PINX1: variants seen among roughly 807,000 people sequenced by gnomAD.
The protein encoded by PINX1 is PIN2/TERF1-interacting telomerase inhibitor 1.
PINX1 carries 34 observed loss-of-function variants against 25.4 expected under a neutral mutation model. The observed-to-expected ratio is 1.34, with a 90% CI of 1.02 to 1.78. The LOEUF (loss-of-function observed/expected upper bound fraction) is 1.78, where lower values mean the gene tolerates loss of function less well. PINX1 is among the 40% of genes most tolerant of loss of function. PINX1 has a pLI of 0.00. For missense variants in PINX1, 592 were observed against 404.9 expected (o/e 1.46, Z -3.97); for synonymous variants, 197 against 147.7 (o/e 1.33, Z -2.42).
chr8:10,786,188 A>T (rs182653080), intron 6 of PINX1, among the ~76,000 whole-genome samples: 1 of 152,326 alleles, frequency 6.6e-6, no homozygotes, highest in East Asian at 1.9e-4. Flanking sequence ...CCTTGCCAAT[A>T]TATTTAAAGA....
intron 6 of PINX1, among the ~76,000 whole-genome samples, chr8:10,818,608 G>A (rs1472520975): frequency 6.6e-6 from 1 of 152,186 alleles, no homozygotes; most frequent in East Asian, 1.9e-4. Context: ...TGAGCAGCAG[G>A]CAGAAGAGAG....
intron 6 of PINX1, among the ~76,000 whole-genome samples, chr8:10,803,990 T>C (rs1340730414): frequency 1.3e-5 from 2 of 148,306 alleles, no homozygotes; most frequent in Non-Finnish European, 3.0e-5. Flanking sequence ...TTAGCTATCA[T>C]TTTAACTATA....
chr8:10,805,077 A>G (rs1802396912), intron 6 of PINX1, among the ~76,000 whole-genome samples: 1 of 152,196 alleles, frequency 6.6e-6, no homozygotes, highest in Non-Finnish European at 1.5e-5. Flanking sequence ...CCAATAGGAC[A>G]ATTATTATTA....
At chr8:10,814,078 G>A (rs780325637) in intron 6 of PINX1, among the ~76,000 whole-genome samples, 1 of 152,166 alleles carries the variant, frequency 6.6e-6, no homozygotes, top group Non-Finnish European at 1.5e-5. Context: ...AGGTCTCAAG[G>A]GGCCCTGGGA....
At chr8:10,769,990 C>G (rs550833339) in intron 6 of PINX1, among the ~76,000 whole-genome samples, 5 of 152,296 alleles carry the variant, frequency 3.3e-5, no homozygotes, top group South Asian at 4.1e-4. Flanking sequence ...GAGAAAAAAA[C>G]TACATCATTT....
intron 6 of PINX1, among the ~76,000 whole-genome samples, chr8:10,782,471 C>T (rs555214917): frequency 1.3e-3 from 203 of 152,030 alleles, no homozygotes; most frequent in African/African-American, 4.8e-3. Context: ...CGCAGTGGCT[C>T]ACGCCTGTAA....
intron 6 of PINX1, among the ~76,000 whole-genome samples, chr8:10,767,089 C>T (rs538128222): frequency 1.2e-4 from 17 of 143,048 alleles, no homozygotes; most frequent in Non-Finnish European, 2.5e-4. Flanking sequence ...ATTTATCTCA[C>T]AAGAAGAGGC....
At chr8:10,782,866 C>A (rs1801631317) in intron 6 of PINX1, among the ~76,000 whole-genome samples, 3 of 152,194 alleles carry the variant, frequency 2.0e-5, no homozygotes, top group Admixed American at 6.5e-5. Flanking sequence ...AAAAGGAAAA[C>A]CCTCCAGTCA....
chr8:10,825,321 G>C (rs1363425894), intron 5 of PINX1: 1 of 534,556 alleles, frequency 1.9e-6, no homozygotes, highest in Admixed American at 1.9e-5. Flanking sequence ...GCATATCAAG[G>C]TAGAAACACA....
chr8:10,813,664 G>A (rs1177109510), intron 6 of PINX1, among the ~76,000 whole-genome samples: 4 of 152,126 alleles, frequency 2.6e-5, no homozygotes, highest in African/African-American at 9.7e-5. Flanking sequence ...TGGTATCCTG[G>A]GAGAGTGAAA....
Position 10,839,831 on chromosome 8 carries a change from G to A in PINX1, c.-75C>T, listed in dbSNP as rs1015822439. The A allele has an allele frequency of 1.4e-6, 2 of 1,423,078 alleles. No individual in the cohort carries two copies. Among genetic ancestry groups the A allele is most frequent in the Non-Finnish European group, 1.9e-6 (2 of 1,032,236 alleles). 88.2% of individuals were successfully genotyped at this position (1,423,078 alleles called of 1,614,324 possible). A position where few individuals can be genotyped will look rare whatever the true frequency, so the allele number is the denominator to read the frequency against. ...ACTGGGCGGGCTGGAGACTCCAGGA[G>A]AATCAGGACGTGCGTAACTCCCTCG... On this transcript the variant is annotated 5_prime_UTR_variant, in exon 1 of 7. Transcript: ENST00000314787.
Position 10,765,391 on chromosome 8 carries a change from T to A in PINX1, c.*10A>T. The A allele has an allele frequency of 2.5e-6, 4 of 1,584,786 alleles. No homozygotes were observed. The highest frequency in any genetic ancestry group is 3.4e-6 in the Non-Finnish European group (4 of 1,169,670). On this transcript the variant is annotated 3_prime_UTR_variant, in exon 7 of 7. Coordinates refer to ENST00000314787, the MANE Select transcript of PINX1 (RefSeq NM_017884.6). The stretch of plus-strand genomic sequence containing the variant: ...AGCTGAGTGGTCGGAAGGCCCCGGC[T>A]GGGAAGGATTCATTTGGAATCTTTC...
intron 6 of PINX1, among the ~76,000 whole-genome samples, chr8:10,778,211 T>C (rs1005695427): frequency 2.6e-5 from 4 of 152,166 alleles, no homozygotes; most frequent in African/African-American, 4.8e-5. Flanking sequence ...CAGTTATTGA[T>C]AATGAACTCA....
intron 6 of PINX1, among the ~76,000 whole-genome samples, chr8:10,819,898 A>T (rs1307946599): frequency 6.6e-6 from 1 of 152,156 alleles, no homozygotes; most frequent in South Asian, 2.1e-4. Context: ...TTCCCCTCTG[A>T]TTGTATCGGC....
At chr8:10,821,942 A>C (rs927152064) in intron 5 of PINX1, 5 of 152,264 alleles carry the variant, frequency 3.3e-5, no homozygotes, top group African/African-American at 1.2e-4. Flanking sequence ...GATTCAAAAC[A>C]GATCTGAAAG....
Position 10,765,554 on chromosome 8 carries a change from C to T in PINX1, c.834G>A (p.Gly278=). ...GGCCCTCAGGCGGCTGCACATGGTCCCCTGCATCCTGAGCAGAGGCCTTGG... is the reference window on the plus strand; with the variant it reads ...GGCCCTCAGGCGGCTGCACATGGTCTCCTGCATCCTGAGCAGAGGCCTTGG... ...QSSKASAQDA[G]DHVQPPEGRD... Residue 278 remains glycine (G), a synonymous_variant, in exon 7 of 7, where the codon GGG becomes GGA. Transcript: ENST00000314787. 1 of 1,613,748 alleles carries T rather than the reference C, an allele frequency of 6.2e-7. No individual in the cohort carries two copies. The highest frequency in any genetic ancestry group is 8.5e-7 in the Non-Finnish European group (1 of 1,179,892).
chr8:10,766,742 G>T (rs1356313176), intron 6 of PINX1, among the ~76,000 whole-genome samples: 2 of 152,218 alleles, frequency 1.3e-5, no homozygotes, highest in Non-Finnish European at 2.9e-5. Context: ...ATATCTCATT[G>T]TCAGGTAATA....
At chr8:10,825,454 CA>C in intron 5 of PINX1, 1 of 534,728 alleles carries the variant, frequency 1.9e-6, no homozygotes, top group South Asian at 1.4e-5. Context: ...GTTCTACAGA[CA>C]AACTGGGGAG....
chr8:10,801,256 C>T (rs558572081), intron 6 of PINX1, among the ~76,000 whole-genome samples: 5 of 152,200 alleles, frequency 3.3e-5, no homozygotes, highest in Non-Finnish European at 7.3e-5. Context: ...CTTACGAAAG[C>T]GTGCTTCCAA....
Sources: gnomAD v4.1 joint callset for allele counts (sites outside exome capture counted in the v4.1 genomes callset) on GRCh38, gnomAD v4.1.1 for gene constraint, MANE v1.5 for transcripts, NCBI Gene and HGNC (gene_info 2026-07-23, HGNC 2026-07-21) for gene names.